The following CADM2 variants were observed in gnomAD, a reference collection of about 807,000 sequenced individuals.
CADM2 encodes the protein cell adhesion molecule 2.
A neutral mutation model predicts 49.8 loss-of-function variants in CADM2; 12 were observed. The ratio of observed to expected loss-of-function variants is 0.24; its 90% CI spans 0.15 to 0.39. CADM2 has a LOEUF of 0.39. Ranked by LOEUF, CADM2 falls within the 10% of genes least tolerant of loss-of-function variation. CADM2 has a pLI of 1.00. For synonymous variants in CADM2, 214 were observed against 175.4 expected (o/e 1.22, Z -1.74); for missense variants, 378 against 492.3 (o/e 0.77, Z 2.20).
intron 3 of CADM2, among the ~76,000 whole-genome samples, chr3:85,835,560 C>T (rs1234963601): frequency 2.7e-5 from 4 of 150,758 alleles, no homozygotes; most frequent in Non-Finnish European, 5.9e-5. Context: ...ACTGTAATGC[C>T]TTTTGCTTGT....
At chr3:84,982,993 C>G (rs1614659) in intron 1 of CADM2, among the ~76,000 whole-genome samples, 3 of 150,652 alleles carry the variant, frequency 2.0e-5, no homozygotes, top group Non-Finnish European at 4.4e-5. Flanking sequence ...GTGATCTGCC[C>G]GCTTCAGCCT....
At chr3:85,995,899 C>T (rs964701340) in intron 8 of CADM2, among the ~76,000 whole-genome samples, 1 of 151,868 alleles carries the variant, frequency 6.6e-6, no homozygotes, top group Non-Finnish European at 1.5e-5. Context: ...ACCGTCCTGG[C>T]TAACCAGGTG....
chr3:85,530,171 A>G (rs1374381192), intron 1 of CADM2, among the ~76,000 whole-genome samples: 2 of 152,002 alleles, frequency 1.3e-5, no homozygotes, highest in Admixed American at 1.3e-4. Flanking sequence ...AAAGTGTCTG[A>G]CAGTTCCTTT....
chr3:85,528,718 G>A (rs931773659), intron 1 of CADM2, among the ~76,000 whole-genome samples: 1 of 152,142 alleles, frequency 6.6e-6, no homozygotes, highest in African/African-American at 2.4e-5. Flanking sequence ...TTGGTTAAAA[G>A]CATACCAGAG....
intron 2 of CADM2, among the ~76,000 whole-genome samples, chr3:85,758,007 G>A (rs142451903): frequency 2.4e-4 from 36 of 152,242 alleles, no homozygotes; most frequent in African/African-American, 6.3e-4. Flanking sequence ...GTAAAGTTAC[G>A]TTGCTTTATT....
chr3:85,226,985 AAG>A (rs1167734904), intron 1 of CADM2, among the ~76,000 whole-genome samples: 1 of 152,070 alleles, frequency 6.6e-6, no homozygotes. Context: ...ACTGTGGTCT[AAG>A]AGATGGTTGG....
intron 1 of CADM2, among the ~76,000 whole-genome samples, chr3:85,381,130 C>T (rs1411365131): frequency 2.6e-5 from 4 of 151,786 alleles, no homozygotes; most frequent in Admixed American, 1.3e-4. Context: ...TGTGTATGTA[C>T]GTGTGTATTG....
At chr3:86,036,045 A>G (rs1229701650) in intron 8 of CADM2, among the ~76,000 whole-genome samples, 3 of 152,044 alleles carry the variant, frequency 2.0e-5, no homozygotes, top group African/African-American at 4.8e-5. Context: ...TCTCATTGCA[A>G]CCTAATTGCC....
At chr3:85,640,318 G>A (rs1197662218) in intron 1 of CADM2, among the ~76,000 whole-genome samples, 1 of 152,162 alleles carries the variant, frequency 6.6e-6, no homozygotes, top group Non-Finnish European at 1.5e-5. Flanking sequence ...AATGAGCAGA[G>A]CACAATCCAT....
chr3:84,960,283 G>GGA (rs2030348609), intron 1 of CADM2: 1 of 151,892 alleles, frequency 6.6e-6, no homozygotes, highest in South Asian at 2.1e-4. Flanking sequence ...TAGGAAGAGA[G>GGA]AGGGGACTCT....
intron 1 of CADM2, among the ~76,000 whole-genome samples, chr3:85,228,927 C>T (rs866114017): frequency 7.9e-5 from 12 of 152,112 alleles, no homozygotes; most frequent in African/African-American, 1.9e-4. Flanking sequence ...CCCACAGGTC[C>T]GCCTTTCCCC....
At chr3:85,783,260 G>T (rs879817631) in intron 2 of CADM2, among the ~76,000 whole-genome samples, 5 of 151,996 alleles carry the variant, frequency 3.3e-5, no homozygotes, top group Admixed American at 2.6e-4. Flanking sequence ...TATAAGATTT[G>T]GTTAAATGAA....
At chr3:85,316,324 T>C (rs1319397349) in intron 1 of CADM2, among the ~76,000 whole-genome samples, 3 of 152,196 alleles carry the variant, frequency 2.0e-5, no homozygotes, top group East Asian at 3.8e-4. Context: ...TCTTGGAATA[T>C]ATAAGTTGAG....
chr3:85,111,930 C>CA (rs1482798489), intron 1 of CADM2, among the ~76,000 whole-genome samples: 1 of 151,702 alleles, frequency 6.6e-6, no homozygotes, highest in Non-Finnish European at 1.5e-5. Context: ...TTCTGTACTC[C>CA]AAATGGTGAC....
chr3:85,182,434 G>T (rs1054250051), intron 1 of CADM2, among the ~76,000 whole-genome samples: 2 of 152,030 alleles, frequency 1.3e-5, no homozygotes, highest in Non-Finnish European at 1.5e-5. Flanking sequence ...TCACCTTGTG[G>T]TAGTCTTTAC....
intron 1 of CADM2, among the ~76,000 whole-genome samples, chr3:85,270,494 G>A (rs2043215744): frequency 6.6e-6 from 1 of 151,276 alleles, no homozygotes; most frequent in Non-Finnish European, 1.5e-5. Context: ...CAGAATACTA[G>A]CCTTATTTTA....
chr3:85,491,499 T>C (rs2039670898), intron 1 of CADM2, among the ~76,000 whole-genome samples: 1 of 152,144 alleles, frequency 6.6e-6, no homozygotes, highest in Non-Finnish European at 1.5e-5. Context: ...TATCACATCA[T>C]GTGAGCGTAT....
At chr3:85,589,821 C>G (rs953685636) in intron 1 of CADM2, among the ~76,000 whole-genome samples, 2 of 151,862 alleles carry the variant, frequency 1.3e-5, no homozygotes, top group Non-Finnish European at 2.9e-5. Flanking sequence ...GAACAGTGAT[C>G]ATTAAGAAGG....
intron 1 of CADM2, among the ~76,000 whole-genome samples, chr3:85,608,156 A>C (rs2063583809): frequency 6.6e-6 from 1 of 152,086 alleles, no homozygotes; most frequent in Non-Finnish European, 1.5e-5. Flanking sequence ...AGTTAATTTT[A>C]GTTTACATTT....
Sources: gnomAD v4.1 joint callset for allele counts (sites outside exome capture counted in the v4.1 genomes callset) on GRCh38, gnomAD v4.1.1 for gene constraint, MANE v1.5 for transcripts, NCBI Gene and HGNC (gene_info 2026-07-23, HGNC 2026-07-21) for gene names.